The following CDK5RAP1 variants were observed in gnomAD, a reference collection of about 807,000 sequenced individuals.
CDK5RAP1 encodes the protein mitochondrial tRNA methylthiotransferase CDK5RAP1.
Under a neutral mutation model 64.5 loss-of-function variants are expected in CDK5RAP1, and 62 were observed. The observed-to-expected ratio is 0.96, with a 90% confidence interval of 0.78 to 1.19. CDK5RAP1 has a LOEUF of 1.19. CDK5RAP1 is among the 50% of genes most tolerant of loss of function. The pLI is 0.00. For synonymous variants in CDK5RAP1, 250 were observed against 261.9 expected (o/e 0.95, Z 0.44); for missense variants, 657 against 735.0 (o/e 0.89, Z 1.23).
intron 9 of CDK5RAP1, chr20:33,373,404 A>G (rs114452336): frequency 6.6e-6 from 1 of 152,308 alleles, no homozygotes; most frequent in Non-Finnish European, 1.5e-5. Flanking sequence ...TCTGCCCACC[A>G]CAGTCTCCCA....
At chr20:33,379,766 C>A in intron 7 of CDK5RAP1, 75 bp from the exon 8 acceptor site, 1 of 1,068,098 alleles carries the variant, frequency 9.4e-7, no homozygotes. Context: ...TAAAAATTAG[C>A]TGAAATTAAC....
intron 13 of CDK5RAP1, 164 bp from the exon 14 acceptor site, chr20:33,359,287 G>A: frequency 1.7e-6 from 1 of 600,222 alleles, no homozygotes. Context: ...CAGGAAGCGA[G>A]GTCTCATGGA....
Position 33,359,032 on chromosome 20 carries a change from A to ATCC in CDK5RAP1, c.*8_*10dup. On this transcript the variant is annotated 3_prime_UTR_variant, in exon 14 of 14. Transcript: ENST00000346416. ...GATTGCCCAAGTCAGCTCTGAGGCCATCCTCTCAGGTCAGCAATATGCAGA... is the reference window on the plus strand; with the variant it reads ...GATTGCCCAAGTCAGCTCTGAGGCCATCCTCCTCTCAGGTCAGCAATATGCAGA... 1 of 1,601,110 alleles carries ATCC rather than the reference A, an allele frequency of 6.2e-7. No homozygotes were observed. The highest frequency in any genetic ancestry group is 1.1e-5 in the South Asian group (1 of 90,752).
At chr20:33,367,966 G>C (rs1005317593) in intron 11 of CDK5RAP1, among the ~76,000 whole-genome samples, 1 of 152,178 alleles carries the variant, frequency 6.6e-6, no homozygotes, top group Admixed American at 6.5e-5. Flanking sequence ...ACTCCATTCT[G>C]TCTTACTACT....
At chr20:33,387,660 G>A (rs1987625218) in intron 5 of CDK5RAP1, 127 bp from the exon 6 acceptor site, 2 of 684,224 alleles carry the variant, frequency 2.9e-6, no homozygotes, top group East Asian at 2.7e-5. Context: ...TAAGAATTGA[G>A]TATCATCCTT....
At chr20:33,380,634 T>C (rs1430356741) in intron 7 of CDK5RAP1, among the ~76,000 whole-genome samples, 10 of 152,120 alleles carry the variant, frequency 6.6e-5, no homozygotes, top group Admixed American at 5.2e-4. Flanking sequence ...TATGGGTGCA[T>C]GGAGATAGGT....
In CDK5RAP1 at chr20:33,394,068, T is replaced by C; in HGVS notation, c.409-2A>G. On this transcript the variant is annotated splice_acceptor_variant, in intron 3 of 13. Transcript: ENST00000346416. LOFTEE classifies it high-confidence loss of function. ...TGTGACAAGGAGAATCACATCTGCC[T>C]GAATGGAAAGAAAGGAAAACAAGGA... 6 of 1,594,262 alleles carry C rather than the reference T, an allele frequency of 3.8e-6. No homozygotes were observed. Among genetic ancestry groups the C allele is most frequent in the Non-Finnish European group, 5.2e-6 (6 of 1,161,868 alleles).
rs1488386891 is a variant in CDK5RAP1 at position 33,401,481 on chromosome 20, G to C, written c.-74C>G. ...CCCGCAGCGTAAGTTCTGCCGGCAA[G>C]TCGGATCCCCTCACAGGTCCGCCGC... On this transcript the variant is annotated 5_prime_UTR_variant, in exon 1 of 14. Transcript: ENST00000346416. 7.1e-6 allele frequency: 7 copies of C among 985,456 alleles called. No homozygotes were observed. Among genetic ancestry groups the C allele is most frequent in the Non-Finnish European group, 8.4e-6 (7 of 829,942 alleles). The allele number at this position is 985,456 out of a possible 1,614,324, so 61.0% of individuals were successfully genotyped here.
In CDK5RAP1 at chr20:33,384,763, G is replaced by C. The variant is rs1004990781; in HGVS notation, c.876+887C>G. 7.9e-5 allele frequency among the ~76,000 whole-genome samples: 12 copies of C among 152,218 alleles called. No homozygotes were observed. In the East Asian group the frequency reaches 2.3e-3, roughly 29 times the overall value. ...CAAATAATTAAAAAATTCACTGGGC[G>C]TGGTGGCACCTACCTGTAGTCCCAG... On this transcript the variant is annotated intron_variant, in intron 7 of 13. Coordinates refer to ENST00000346416, the MANE Select transcript of CDK5RAP1 (RefSeq NM_016408.4).
chr20:33,366,834 A>G (rs772660397), intron 12 of CDK5RAP1, 25 bp downstream of exon 12: 3 of 1,588,354 alleles, frequency 1.9e-6, no homozygotes, highest in African/African-American at 1.4e-5. Flanking sequence ...AAAAAACAAC[A>G]TAACACACAC....
chr20:33,393,897 C>CCA (rs2146716714), intron 4 of CDK5RAP1, 135 bp downstream of exon 4: 1 of 705,434 alleles, frequency 1.4e-6, no homozygotes, highest in East Asian at 2.5e-5. Flanking sequence ...AAGACTATCT[C>CCA]CACTGTGGGA....
chr20:33,390,824 ATTAAT>A (rs1425851684), intron 5 of CDK5RAP1, among the ~76,000 whole-genome samples: 1 of 152,108 alleles, frequency 6.6e-6, no homozygotes, highest in Non-Finnish European at 1.5e-5. Context: ...GTTAGGAGAG[ATTAAT>A]TTAACTATTC....
Position 33,379,485 on chromosome 20 carries a change from G to A in CDK5RAP1, c.1083C>T (p.Pro361=), listed in dbSNP as rs139305851. 6.2e-7 allele frequency: 1 copy of A among 1,613,298 alleles called. No homozygotes were observed. Among genetic ancestry groups the A allele is most frequent in the South Asian group, 1.1e-5 (1 of 91,054 alleles). The change falls in exon 8 of 14, where the codon CCC becomes CCT. Residue 361 remains proline (P), a synonymous_variant. Transcript: ENST00000346416. ...DPEMRIRFTS[P]HPKDFPDEVL... ...CCTCATCAGGAAAATCCTTGGGGTG[G>A]GGAGAGGTAAAACGGATCCTCATTT...
At chr20:33,399,707 T>G (rs1385942286) in intron 1 of CDK5RAP1, among the ~76,000 whole-genome samples, 1 of 152,172 alleles carries the variant, frequency 6.6e-6, no homozygotes, top group Non-Finnish European at 1.5e-5. Context: ...CTGTTCCACC[T>G]CAGGCATTTA....
chr20:33,397,233 G>GA lies in CDK5RAP1; in HGVS notation c.-20-150dup, dbSNP rs200100171. On this transcript the variant is annotated intron_variant, in intron 1 of 13. Coordinates refer to ENST00000346416, the MANE Select transcript of CDK5RAP1 (RefSeq NM_016408.4). ...ATAATATGACCTCTGTTTTACAGTT[G>GA]AAAAAAACTGAGGCAACTTGCCCAA... is the stretch of plus-strand genomic sequence containing the variant. The GA allele has an allele frequency of 3.5e-3, 1,916 of 548,112 alleles. 18 individuals are homozygous for GA. The highest frequency in any genetic ancestry group is 0.032 in the African/African-American group (1,660 of 52,226). 34.0% of individuals were successfully genotyped at this position (548,112 alleles called of 1,614,324 possible).
At chr20:33,379,712 T>G (rs996533374) in intron 7 of CDK5RAP1, 21 bp from the exon 8 acceptor site, 1 of 1,562,024 alleles carries the variant, frequency 6.4e-7, no homozygotes, top group Non-Finnish European at 8.8e-7. Flanking sequence ...GAAAATATAT[T>G]GGAATTTTAA....
chr20:33,371,729 G>A (rs1349038495), intron 10 of CDK5RAP1, among the ~76,000 whole-genome samples: 2 of 152,086 alleles, frequency 1.3e-5, no homozygotes, highest in Admixed American at 1.3e-4. Context: ...GCTGCAGTGA[G>A]CCGAGATTGC....
rs777540865 is a variant in CDK5RAP1, at chr20:33,359,064, C to T, written c.1743G>A (p.Arg581=). ...RGHVLCRTTL[R]DSSAYC ...CAGGTCAGCAATATGCAGAAGAGTC[C>T]CTCAGAGTGGTCCTGCAGAGAACAT... The change falls in exon 14 of 14, where the codon AGG becomes AGA. Residue 581 remains arginine, a synonymous_variant. Coordinates refer to ENST00000346416, the MANE Select transcript of CDK5RAP1 (RefSeq NM_016408.4). The T allele has an allele frequency of 9.0e-5, 145 of 1,613,432 alleles. No homozygotes were observed. The highest frequency in any genetic ancestry group is 1.2e-4 in the Non-Finnish European group (141 of 1,179,558).
Position 33,363,814 on chromosome 20 carries a change from C to T in CDK5RAP1, c.1542+3045G>A, listed in dbSNP as rs6059280. On this transcript the variant is annotated intron_variant, in intron 12 of 13. Coordinates refer to ENST00000346416, the MANE Select transcript of CDK5RAP1 (RefSeq NM_016408.4). Reference sequence around the variant, plus strand: ...TCCGGAGGCTGAAGCAGGAGGGTCGCGTGAGCCCAAGGAGTTCAAGGTTAC... The same window carrying T: ...TCCGGAGGCTGAAGCAGGAGGGTCGTGTGAGCCCAAGGAGTTCAAGGTTAC... Among the ~76,000 whole-genome samples, 199 of 152,172 alleles carry T rather than the reference C, an allele frequency of 1.3e-3. 2 individuals are homozygous for T. The highest frequency in any genetic ancestry group is 4.5e-3 in the African/African-American group (185 of 41,496).
Sources: allele counts gnomAD v4.1 joint callset (sites outside exome capture counted in the v4.1 genomes callset), GRCh38; gene constraint gnomAD v4.1.1; transcripts MANE v1.5; gene names NCBI Gene and HGNC (gene_info 2026-07-23, HGNC 2026-07-21).